ZNF536: variants seen among roughly 807,000 people sequenced by gnomAD.
ZNF536 encodes zinc finger protein 536.
In ZNF536, 13 loss-of-function variants were observed where a neutral mutation model predicts 84.5. The ratio of observed to expected loss-of-function variants is 0.15; its 90% CI spans 0.10 to 0.24. The LOEUF is 0.24. Ranked by LOEUF, ZNF536 falls within the 10% of genes least tolerant of loss-of-function variation. The pLI, the probability that ZNF536 is intolerant of heterozygous loss-of-function variation, is 1.00. For synonymous variants in ZNF536, 811 were observed against 742.5 expected (o/e 1.09, Z -1.50); for missense variants, 1,536 against 1,747.5 (o/e 0.88, Z 2.16).
chr19:30,389,222 G>A (rs921347694), intron 1 of ZNF536, among the ~76,000 whole-genome samples: 6 of 152,174 alleles, frequency 3.9e-5, no homozygotes, highest in Non-Finnish European at 7.3e-5. Context: ...TCTGGTTTGC[G>A]CAGCTTTTCT....
At chr19:30,684,036 T>C (rs1195641363) in intron 1 of ZNF536, among the ~76,000 whole-genome samples, 1 of 152,198 alleles carries the variant, frequency 6.6e-6, no homozygotes, top group Non-Finnish European at 1.5e-5. Flanking sequence ...TTAGAAATCT[T>C]CTTGGAAAAT....
chr19:30,606,368 ACCT>A (rs1330603771), intron 1 of ZNF536, among the ~76,000 whole-genome samples: 3 of 151,930 alleles, frequency 2.0e-5, no homozygotes. Flanking sequence ...TTTGAAAGGG[ACCT>A]CCTCCTATTT....
chr19:30,600,082 T>C (rs2047632245), intron 1 of ZNF536, among the ~76,000 whole-genome samples: 1 of 148,540 alleles, frequency 6.7e-6, no homozygotes, highest in Admixed American at 6.8e-5. Context: ...TTTGTTTTTG[T>C]TTTTGTTTTT....
intron 1 of ZNF536, among the ~76,000 whole-genome samples, chr19:30,666,308 C>A (rs1343872507): frequency 6.6e-6 from 1 of 152,146 alleles, no homozygotes; most frequent in Non-Finnish European, 1.5e-5. Context: ...TCAGGCCCTG[C>A]TGCTGGGTTC....
chr19:30,523,241 T>G (rs1260924262), intron 2 of ZNF536, among the ~76,000 whole-genome samples: 1 of 152,138 alleles, frequency 6.6e-6, no homozygotes, highest in African/African-American at 2.4e-5. Context: ...CCCCATGCCA[T>G]CTTTACATAT....
At chr19:30,314,088 T>A (rs987269087) in intron 2 of ZNF536, among the ~76,000 whole-genome samples, 1 of 152,160 alleles carries the variant, frequency 6.6e-6, no homozygotes, top group Non-Finnish European at 1.5e-5. Flanking sequence ...GCTAAGCAAA[T>A]GCTTGCTTTG....
intron 1 of ZNF536, among the ~76,000 whole-genome samples, chr19:30,261,100 C>G (rs2025187282): frequency 6.6e-6 from 1 of 151,594 alleles, no homozygotes; most frequent in Non-Finnish European, 1.5e-5. Flanking sequence ...AGATCGAGAC[C>G]ATCCTGGCTA....
Position 30,443,841 on chromosome 19 carries a change from C to T in ZNF536, c.279C>T (p.Asp93=), listed in dbSNP as rs1600750633. The change falls in exon 2 of 5, where the codon GAC becomes GAT. Residue 93 remains aspartate (D), a synonymous_variant. Transcript: ENST00000355537. ...LLANQLGREV[D]TSLNGRVDLQ... ...CCAACCAGCTGGGCCGGGAGGTGGA[C>T]ACCAGCCTCAACGGGAGGGTGGACT... is the stretch of plus-strand genomic sequence containing the variant. The T allele has an allele frequency of 8.1e-6, 13 of 1,613,306 alleles. No homozygotes were observed. Among genetic ancestry groups the T allele is most frequent in the Non-Finnish European group, 1.1e-5 (13 of 1,179,892 alleles).
chr19:30,349,647 T>C (rs143810088), intron 2 of ZNF536, among the ~76,000 whole-genome samples: 173 of 152,056 alleles, frequency 1.1e-3, no homozygotes, highest in Middle Eastern at 3.4e-3. Context: ...CACACCCTCC[T>C]CTCCTTGGGG....
chr19:30,550,496 C>A (rs1190728824), intron 4 of ZNF536, among the ~76,000 whole-genome samples: 1 of 152,020 alleles, frequency 6.6e-6, no homozygotes, highest in Non-Finnish European at 1.5e-5. Context: ...GACCATGATA[C>A]ATTTCCAACT....
intron 2 of ZNF536, among the ~76,000 whole-genome samples, chr19:30,531,630 T>C (rs1250528566): frequency 6.6e-6 from 1 of 151,928 alleles, no homozygotes; most frequent in Admixed American, 6.6e-5. Context: ...CCAGTGTCCA[T>C]ATATATTTTT....
chr19:30,687,834 G>T (rs1458573092), intron 1 of ZNF536, among the ~76,000 whole-genome samples: 1 of 144,740 alleles, frequency 6.9e-6, no homozygotes, highest in East Asian at 2.1e-4. Context: ...CTGACCTTTG[G>T]ATTTTTTTAA....
In ZNF536 at chr19:30,548,640, T is replaced by C. The variant is rs201161274; in HGVS notation, c.3021T>C (p.Ala1007=). Residue 1007 remains alanine (A), a synonymous_variant, in exon 4 of 5, where the codon GCT becomes GCC. Transcript: ENST00000355537. ...SIAWHGCLFC[A]FTTSSMELMA... is the part of the protein sequence containing the mutation. The stretch of plus-strand genomic sequence containing the variant: ...CATGGCACGGCTGCTTGTTTTGTGC[T>C]TTCACAACGTCCTCCATGGAGCTCA... 1.2e-5 allele frequency: 19 copies of C among 1,614,088 alleles called. No homozygotes were observed. The African/African-American group carries it at 2.4e-4, about 20-fold the overall frequency.
At chr19:30,634,384 C>T (rs1009343881) in intron 1 of ZNF536, among the ~76,000 whole-genome samples, 3 of 152,118 alleles carry the variant, frequency 2.0e-5, no homozygotes, top group Non-Finnish European at 2.9e-5. Flanking sequence ...CTTCTAAGCT[C>T]GACTTGGAAA....
chr19:30,372,688 TG>T, intron 1 of ZNF536, 132 bp downstream of exon 1: 1 of 152,178 alleles, frequency 6.6e-6, no homozygotes, highest in Admixed American at 6.5e-5. Context: ...CATGGATTCT[TG>T]TTCACGAAGT....
At chr19:30,418,686 TATG>T (rs1191842217) in intron 1 of ZNF536, among the ~76,000 whole-genome samples, 3 of 152,212 alleles carry the variant, frequency 2.0e-5, no homozygotes, top group Non-Finnish European at 4.4e-5. Flanking sequence ...GAAGGGTGTC[TATG>T]ATGATGTGCC....
chr19:30,275,462 C>T (rs1431296787), intron 1 of ZNF536, among the ~76,000 whole-genome samples: 1 of 152,150 alleles, frequency 6.6e-6, no homozygotes, highest in Non-Finnish European at 1.5e-5. Context: ...GTCTGACCGG[C>T]GGACATCAGG....
At chr19:30,669,152 G>C (rs1437302201) in intron 1 of ZNF536, among the ~76,000 whole-genome samples, 1 of 152,232 alleles carries the variant, frequency 6.6e-6, no homozygotes, top group Admixed American at 6.5e-5. Context: ...TTGTCCCAAT[G>C]CCACAGTGGG....
chr19:30,605,671 A>G (rs2047844809), intron 1 of ZNF536, among the ~76,000 whole-genome samples: 1 of 152,172 alleles, frequency 6.6e-6, no homozygotes, highest in African/African-American at 2.4e-5. Flanking sequence ...TGTCTTTCAT[A>G]TAATGACTTT....
Sources: gnomAD v4.1 joint callset for allele counts (sites outside exome capture counted in the v4.1 genomes callset) on GRCh38, gnomAD v4.1.1 for gene constraint, MANE v1.5 for transcripts, NCBI Gene and HGNC (gene_info 2026-07-23, HGNC 2026-07-21) for gene names.